Variants in SLC23A2 observed in about 807,000 individuals in gnomAD.
SLC23A2 encodes solute carrier family 23 member 2, also known as Na(+)/L-ascorbic acid transporter 2.
SLC23A2 carries 36 observed loss-of-function variants against 73.3 expected under a neutral mutation model. That is an observed-to-expected ratio of 0.49 (90% confidence interval 0.38 to 0.65). The LOEUF (loss-of-function observed/expected upper bound fraction) is 0.65. SLC23A2 is among the 30% of genes least tolerant of loss of function. The pLI is 0.00. For missense variants in SLC23A2, 507 were observed against 841.6 expected, an observed-to-expected ratio of 0.60 and a Z score of 4.92; for synonymous variants, 343 against 327.3, an observed-to-expected ratio of 1.05 and a Z score of -0.52.
At chr20:4,884,573 C>T (rs1415093093) in intron 8 of SLC23A2, among the ~76,000 whole-genome samples, 180 bp downstream of exon 8, 1 of 152,158 alleles carries the variant, frequency 6.6e-6, no homozygotes, top group African/African-American at 2.4e-5. Context: ...AGAGCATTTC[C>T]ATATGCTTTA....
chr20:4,867,432 T>C (rs1930247945), intron 13 of SLC23A2, among the ~76,000 whole-genome samples: 1 of 152,184 alleles, frequency 6.6e-6, no homozygotes, highest in Non-Finnish European at 1.5e-5. Flanking sequence ...GGACTTAGTA[T>C]GCTGATTGTT....
At position 4,876,449 on chromosome 20, in the gene SLC23A2, G is replaced by A. The variant is rs180792058; in HGVS notation, c.825-1753C>T. Among the ~76,000 whole-genome samples, 593 of 152,208 alleles carry A rather than the reference G, an allele frequency of 3.9e-3. 2 individuals carry two copies. Among genetic ancestry groups the A allele is most frequent in the Non-Finnish European group, 6.7e-3 (457 of 68,022 alleles). ...TTCTGCTCTAAAACCTCTCTACTTC[G>A]AGTTTATTTTTATTCTCAAATACAC... On this transcript the variant is annotated intron_variant, in intron 9 of 16. Transcript: ENST00000338244.
intron 2 of SLC23A2, among the ~76,000 whole-genome samples, chr20:4,943,419 G>A (rs760485250): frequency 4.6e-5 from 7 of 151,868 alleles, no homozygotes; most frequent in Non-Finnish European, 1.0e-4. Context: ...TGCAATCCCA[G>A]CACTTTGGGA....
chr20:4,971,322 A>G (rs1238280930), intron 1 of SLC23A2, among the ~76,000 whole-genome samples: 1 of 150,270 alleles, frequency 6.7e-6, no homozygotes, highest in East Asian at 1.9e-4. Context: ...ACACACACAC[A>G]CACACACACA....
intron 1 of SLC23A2, among the ~76,000 whole-genome samples, chr20:4,997,191 T>C (rs938995254): frequency 1.3e-5 from 2 of 152,164 alleles, no homozygotes; most frequent in Non-Finnish European, 2.9e-5. Context: ...CAGCAACGCC[T>C]AGAGTGTGCT....
chr20:4,856,489 A>G lies in SLC23A2; in HGVS notation c.*483T>C, dbSNP rs941890931. On this transcript the variant is annotated 3_prime_UTR_variant, in exon 17 of 17. Coordinates refer to ENST00000338244, the MANE Select transcript of SLC23A2 (RefSeq NM_005116.6). This position sits in a 1 kb window ranked among gnomAD's most constrained non-coding sequence, Gnocchi z 4.6. ...ACAACAGAATCATACTGGGCCAGTCAGTCATGATAGCGCAAGGCATACTAG... is the reference window on the plus strand; with the variant it reads ...ACAACAGAATCATACTGGGCCAGTCGGTCATGATAGCGCAAGGCATACTAG... The G allele has an allele frequency of 5.8e-5, 9 of 154,974 alleles. No individual in the cohort carries two copies. Among genetic ancestry groups the G allele is most frequent in the African/African-American group, 2.2e-4 (9 of 41,450 alleles). 9.6% of individuals were successfully genotyped at this position (154,974 alleles called of 1,614,324 possible).
At chr20:4,869,839 T>G in intron 12 of SLC23A2, 67 bp downstream of exon 12, 1 of 1,453,566 alleles carries the variant, frequency 6.9e-7, no homozygotes, top group Non-Finnish European at 9.4e-7. Flanking sequence ...TTCAAGGTAA[T>G]GTAAACCTAA....
At chr20:5,002,708 A>G (rs2088144336), upstream of SLC23A2, among the ~76,000 whole-genome samples, 1 of 152,190 alleles carries the variant, frequency 6.6e-6, no homozygotes, top group Admixed American at 6.5e-5. Flanking sequence ...CCATTTATTT[A>G]TCTAATAACT....
rs1929724420 is a variant in SLC23A2 at position 4,856,695 on chromosome 20, C to T, written c.*277G>A. On this transcript the variant is annotated 3_prime_UTR_variant, in exon 17 of 17. Transcript: ENST00000338244. This position sits in a 1 kb window ranked among gnomAD's most constrained non-coding sequence, Gnocchi z 4.6. ...GGAATGGCTGCAGATTTTAAATGTCCACTCCAAAGGGAGGACTGGAACTTC... is the reference window on the plus strand; with the variant it reads ...GGAATGGCTGCAGATTTTAAATGTCTACTCCAAAGGGAGGACTGGAACTTC... 3 of 358,792 alleles carry T rather than the reference C, an allele frequency of 8.4e-6. No individual in the cohort carries two copies. In the South Asian group the frequency reaches 1.4e-4, roughly 17 times the overall value. 22.2% of individuals were successfully genotyped at this position (358,792 alleles called of 1,614,324 possible).
chr20:4,946,912 G>T (rs2087126970), intron 2 of SLC23A2, among the ~76,000 whole-genome samples: 1 of 152,200 alleles, frequency 6.6e-6, no homozygotes, highest in Admixed American at 6.5e-5. Context: ...ATAGCAAACA[G>T]ATGCTACAGC....
intron 15 of SLC23A2, among the ~76,000 whole-genome samples, chr20:4,859,987 G>A (rs1197367952): frequency 6.6e-6 from 1 of 152,228 alleles, no homozygotes; most frequent in Non-Finnish European, 1.5e-5. Context: ...AGGCACTGGT[G>A]AGGATGTGGA....
rs565292410 is a variant in SLC23A2 at position 4,869,672 on chromosome 20, G to A, written c.1250+234C>T. On this transcript the variant is annotated intron_variant, in intron 12 of 16. Coordinates refer to ENST00000338244, the MANE Select transcript of SLC23A2 (RefSeq NM_005116.6). ...TTGATGTCACTGCAATTAAGGAAGG[G>A]TAGGAATTCCGTTCCACGTCATGGA... 14 of 479,324 alleles carry A rather than the reference G, an allele frequency of 2.9e-5. No individual in the cohort carries two copies. The Admixed American group carries it at 3.4e-4, about 12-fold the overall frequency. The allele number at this position is 479,324 out of a possible 1,614,324, so 29.7% of individuals were successfully genotyped here.
chr20:5,005,557 T>C (rs1276474044), upstream of SLC23A2, among the ~76,000 whole-genome samples: 5 of 152,222 alleles, frequency 3.3e-5, no homozygotes, highest in East Asian at 9.6e-4. Flanking sequence ...CATACAGTAC[T>C]TTTCAATGTT....
intron 2 of SLC23A2, among the ~76,000 whole-genome samples, chr20:4,938,777 C>T (rs958866346): frequency 5.9e-5 from 9 of 152,196 alleles, no homozygotes; most frequent in Non-Finnish European, 1.0e-4. Context: ...ATCCAGGCCC[C>T]CTTTCCCAGT....
In SLC23A2 at chr20:4,899,749, A is replaced by G. The variant is rs1477296940; in HGVS notation, c.325-37T>C. On this transcript the variant is annotated intron_variant, in intron 5 of 16. Coordinates refer to ENST00000338244, the MANE Select transcript of SLC23A2 (RefSeq NM_005116.6). The surrounding 1 kb of genome is among the most constrained non-coding windows in gnomAD (Gnocchi z 4.9). Reference sequence around the variant, plus strand: ...AAAAGGGTCAGAGGAGAAACAGTAAACCCTTCCTCATTTATTCTTGATTTC... The same window carrying G: ...AAAAGGGTCAGAGGAGAAACAGTAAGCCCTTCCTCATTTATTCTTGATTTC... 1 of 1,591,660 alleles carries G rather than the reference A, an allele frequency of 6.3e-7. No individual in the cohort carries two copies. Among genetic ancestry groups the G allele is most frequent in the East Asian group, 2.2e-5 (1 of 44,500 alleles).
upstream of SLC23A2, among the ~76,000 whole-genome samples, chr20:5,005,873 C>A (rs183011229): frequency 6.6e-6 from 1 of 151,882 alleles, no homozygotes; most frequent in Admixed American, 6.6e-5. Flanking sequence ...GTAGTCCCAG[C>A]TACTTGGGAG....
intron 2 of SLC23A2, among the ~76,000 whole-genome samples, chr20:4,948,457 C>T (rs1284957099): frequency 6.6e-6 from 1 of 152,198 alleles, no homozygotes; most frequent in Admixed American, 6.5e-5. Flanking sequence ...GTCCAGTATA[C>T]CAAGAGTTCC....
chr20:4,950,564 C>A (rs973609307), intron 2 of SLC23A2, among the ~76,000 whole-genome samples: 33 of 152,280 alleles, frequency 2.2e-4, no homozygotes, highest in Non-Finnish European at 4.3e-4. Context: ...AGTCTGACAT[C>A]AGGACTAGGA....
intron 4 of SLC23A2, among the ~76,000 whole-genome samples, chr20:4,903,203 TA>T (rs963157356): frequency 1.1e-4 from 17 of 152,130 alleles, no homozygotes; most frequent in African/African-American, 3.4e-4. Context: ...CTAACACTAG[TA>T]AAAAAAATAT....
Sources: gnomAD v4.1 joint callset for allele counts (sites outside exome capture counted in the v4.1 genomes callset) on GRCh38, gnomAD v4.1.1 for gene constraint, Gnocchi (gnomAD v3.1) non-coding constraint, MANE v1.5 for transcripts, NCBI Gene and HGNC (gene_info 2026-07-23, HGNC 2026-07-21) for gene names.